Variants in HS3ST2 observed in about 807,000 individuals in gnomAD.
HS3ST2 encodes heparan sulfate glucosamine 3-O-sulfotransferase 2.
HS3ST2 carries 17 observed loss-of-function variants against 26.3 expected under a neutral mutation model. The ratio of observed to expected loss-of-function variants is 0.65; its 90% CI spans 0.44 to 0.97. HS3ST2 has a LOEUF of 0.97. Ranked by LOEUF, HS3ST2 falls within the 50% of genes least tolerant of loss-of-function variation. HS3ST2 has a pLI of 0.00. For missense variants in HS3ST2, 402 were observed against 501.2 expected (o/e 0.80, Z 1.89); for synonymous variants, 237 against 219.2 (o/e 1.08, Z -0.72).
intron 1 of HS3ST2, among the ~76,000 whole-genome samples, chr16:22,893,634 C>CTTTTTTTTTTTTTTTTTTTTTTTTTCT (rs56664558): frequency 7.7e-6 from 1 of 130,274 alleles, no homozygotes. Context: ...TTTTTCTTTT[C>CTTTTTTTTTTTTTTTTTTTTTTTTTCT]TTTTTTTTTT....
At chr16:22,886,864 G>A (rs1393745679) in intron 1 of HS3ST2, among the ~76,000 whole-genome samples, 1 of 151,716 alleles carries the variant, frequency 6.6e-6, no homozygotes, top group South Asian at 2.1e-4. Context: ...GGGCTCAAAC[G>A]GTCCTCCCAC....
chr16:22,834,821 A>G (rs1011171983), intron 1 of HS3ST2, among the ~76,000 whole-genome samples: 1 of 151,826 alleles, frequency 6.6e-6, no homozygotes, highest in Non-Finnish European at 1.5e-5. Flanking sequence ...CAACCTATTT[A>G]TTTGCTCTTT....
At chr16:22,900,788 G>A (rs923306716) in intron 1 of HS3ST2, among the ~76,000 whole-genome samples, 2 of 152,116 alleles carry the variant, frequency 1.3e-5, no homozygotes, top group Non-Finnish European at 2.9e-5. Context: ...ACCAAGATTC[G>A]AGATGGAGTT....
At chr16:22,836,837 T>C (rs1027991479) in intron 1 of HS3ST2, among the ~76,000 whole-genome samples, 1 of 152,108 alleles carries the variant, frequency 6.6e-6, no homozygotes, top group African/African-American at 2.4e-5. Flanking sequence ...ATTTATTTAC[T>C]AGTAGAGACG....
chr16:22,885,840 C>T (rs370478780), intron 1 of HS3ST2, among the ~76,000 whole-genome samples: 2 of 152,186 alleles, frequency 1.3e-5, no homozygotes, highest in Non-Finnish European at 2.9e-5. Context: ...GACAGTTACC[C>T]GGTCCACCCA....
intron 1 of HS3ST2, among the ~76,000 whole-genome samples, chr16:22,895,875 A>G (rs1031408955): frequency 3.3e-5 from 5 of 152,084 alleles, no homozygotes; most frequent in Non-Finnish European, 5.9e-5. Flanking sequence ...CTTAGTAAAG[A>G]GACTTGTGTA....
intron 1 of HS3ST2, among the ~76,000 whole-genome samples, chr16:22,890,592 A>G (rs773392168): frequency 3.3e-5 from 5 of 152,204 alleles, no homozygotes; most frequent in Non-Finnish European, 7.3e-5. Flanking sequence ...CTTACCCAGT[A>G]CCAGGCACTG....
In HS3ST2 at chr16:22,879,786, A is replaced by G. The variant is rs58041652; in HGVS notation, c.486-35158A>G. ...AACTCCACTGCTGAATTCTTCCTCC[A>G]ATATGTTTGTGTCTGAAATTGTTCC... is the stretch of plus-strand genomic sequence containing the variant. On this transcript the variant is annotated intron_variant, in intron 1 of 1. Coordinates refer to ENST00000261374, the MANE Select transcript of HS3ST2 (RefSeq NM_006043.2). Among the ~76,000 whole-genome samples the G allele has an allele frequency of 6.6e-5, 10 of 152,258 alleles. No homozygotes were observed. In the East Asian group the frequency reaches 1.9e-3, roughly 29 times the overall value.
chr16:22,901,248 C>T (rs1902278699), intron 1 of HS3ST2, among the ~76,000 whole-genome samples: 1 of 152,188 alleles, frequency 6.6e-6, no homozygotes, highest in Non-Finnish European at 1.5e-5. Flanking sequence ...AATTTTTCAC[C>T]CAACATCAAT....
chr16:22,831,208 A>G (rs941261916), intron 1 of HS3ST2, among the ~76,000 whole-genome samples: 8 of 152,276 alleles, frequency 5.3e-5, no homozygotes, highest in African/African-American at 1.9e-4. Flanking sequence ...ATTTAAAGCC[A>G]TATCATTTGC....
intron 1 of HS3ST2, among the ~76,000 whole-genome samples, chr16:22,914,365 T>C (rs1902461865): frequency 1.3e-5 from 2 of 152,086 alleles, no homozygotes; most frequent in Non-Finnish European, 2.9e-5. Context: ...ATTCCACAAT[T>C]TATTTAGCTC....
intron 1 of HS3ST2, among the ~76,000 whole-genome samples, chr16:22,887,815 T>C (rs1383676980): frequency 6.7e-6 from 1 of 150,306 alleles, no homozygotes; most frequent in Non-Finnish European, 1.5e-5. Flanking sequence ...CAGGCATGGT[T>C]GTATGTGCAT....
chr16:22,837,858 G>A (rs1237871743), intron 1 of HS3ST2, among the ~76,000 whole-genome samples: 2 of 151,862 alleles, frequency 1.3e-5, no homozygotes, highest in Non-Finnish European at 2.9e-5. Flanking sequence ...GATGTGAGAT[G>A]ATCTCTAACA....
At chr16:22,906,349 G>A (rs538185170) in intron 1 of HS3ST2, among the ~76,000 whole-genome samples, 38 of 66,288 alleles carry the variant, frequency 5.7e-4, no homozygotes, top group Non-Finnish European at 8.9e-4. Flanking sequence ...CCAGCCTGGC[G>A]ACAGAGCGAG....
intron 1 of HS3ST2, among the ~76,000 whole-genome samples, chr16:22,855,696 GTC>G (rs3078722): frequency 0.048 from 6,869 of 142,678 alleles, 177 homozygotes; most frequent in Middle Eastern, 0.065. Context: ...CTGTCTCTCT[GTC>G]TCTCTCTCTC....
At chr16:22,836,811 A>AT (rs900984702) in intron 1 of HS3ST2, among the ~76,000 whole-genome samples, 1 of 151,518 alleles carries the variant, frequency 6.6e-6, no homozygotes. Context: ...GCCTGGCTAA[A>AT]TTTTTTTTGT....
intron 1 of HS3ST2, among the ~76,000 whole-genome samples, chr16:22,841,719 TC>T (rs1484334076): frequency 6.6e-6 from 1 of 152,220 alleles, no homozygotes; most frequent in Non-Finnish European, 1.5e-5. Flanking sequence ...CCAGAAGTTT[TC>T]CTAATTCCCC....
intron 1 of HS3ST2, among the ~76,000 whole-genome samples, chr16:22,835,343 T>A (rs1303961082): frequency 6.6e-6 from 1 of 152,134 alleles, no homozygotes; most frequent in Non-Finnish European, 1.5e-5. Context: ...ACTTATCTGA[T>A]CACACTAAGA....
At chr16:22,839,654 TC>T (rs1195210630) in intron 1 of HS3ST2, among the ~76,000 whole-genome samples, 2 of 152,060 alleles carry the variant, frequency 1.3e-5, no homozygotes, top group Admixed American at 6.6e-5. Context: ...ACAGTTTTTT[TC>T]CCCTTTTACC....
Sources: gnomAD v4.1 joint callset for allele counts (sites outside exome capture counted in the v4.1 genomes callset) on GRCh38, gnomAD v4.1.1 for gene constraint, MANE v1.5 for transcripts, NCBI Gene and HGNC (gene_info 2026-07-23, HGNC 2026-07-21) for gene names.